Variants in CCDC30 observed in about 807,000 individuals in gnomAD.
The protein encoded by CCDC30 is coiled-coil domain containing 30.
A neutral mutation model predicts 100.2 loss-of-function variants in CCDC30; 70 were observed. That is an observed-to-expected ratio of 0.70 (90% CI 0.58 to 0.85). The LOEUF is 0.85. CCDC30 is among the 40% of genes least tolerant of loss of function. CCDC30 has a pLI of 0.00. For synonymous variants in CCDC30, 233 were observed against 269.5 expected (o/e 0.86, Z 1.33); for missense variants, 652 against 771.2 (o/e 0.85, Z 1.83).
At chr1:42,570,633 CTTTAT>C (rs1435308040) in intron 7 of CCDC30, among the ~76,000 whole-genome samples, 2 of 152,138 alleles carry the variant, frequency 1.3e-5, no homozygotes, top group African/African-American at 4.8e-5. Flanking sequence ...TCTTGCTTTA[CTTTAT>C]AGTTTTATCA....
At position 42,473,133 on chromosome 1, in the gene CCDC30, G is replaced by T. The variant is rs1385481632; in HGVS notation, c.-91-7328G>T. 3.3e-6 allele frequency: 4 copies of T among 1,228,466 alleles called. No homozygotes were observed. In the East Asian group the frequency reaches 1.3e-4, roughly 39 times the overall value. 76.1% of individuals were successfully genotyped at this position (1,228,466 alleles called of 1,614,324 possible). On this transcript the variant is annotated intron_variant, in intron 1 of 16. Transcript: ENST00000668663. ...TTTCTTCTATCAAGGGAAAAGTTCA[G>T]TTAGAAGACATACTTCACCATCTTG...
chr1:42,519,113 T>A (rs1019364511), intron 6 of CCDC30, among the ~76,000 whole-genome samples: 28 of 152,364 alleles, frequency 1.8e-4, no homozygotes, highest in African/African-American at 6.5e-4. Flanking sequence ...GAACCATCCT[T>A]GCATTCCAGG....
At chr1:42,616,841 G>A (rs997201853) in intron 11 of CCDC30, among the ~76,000 whole-genome samples, 9 of 152,150 alleles carry the variant, frequency 5.9e-5, no homozygotes, top group Non-Finnish European at 8.8e-5. Context: ...TTTCCAAACC[G>A]TGTGTAACAT....
chr1:42,469,897 G>A (rs1268261540), intron 1 of CCDC30, among the ~76,000 whole-genome samples: 1 of 152,196 alleles, frequency 6.6e-6, no homozygotes, highest in African/African-American at 2.4e-5. Context: ...AATAGTAACA[G>A]AAACTAGCAA....
chr1:42,511,721 G>C (rs1644480518), intron 6 of CCDC30, among the ~76,000 whole-genome samples: 1 of 152,038 alleles, frequency 6.6e-6, no homozygotes, highest in Admixed American at 6.6e-5. Flanking sequence ...ATTGGGAGGA[G>C]AATTTGGCAA....
At chr1:42,539,420 T>G in intron 6 of CCDC30, 110 bp downstream of exon 8, 2 of 984,980 alleles carry the variant, frequency 2.0e-6, no homozygotes, top group Non-Finnish European at 2.9e-6. Context: ...TTGGAGTTTC[T>G]TCTATTATTA....
At chr1:42,620,217 C>G (rs544600138) in intron 11 of CCDC30, among the ~76,000 whole-genome samples, 18 of 152,178 alleles carry the variant, frequency 1.2e-4, no homozygotes, top group African/African-American at 4.3e-4. Flanking sequence ...AAGAAGGAAA[C>G]AACAGATGCT....
chr1:42,576,991 T>C (rs775980927), intron 7 of CCDC30, 29 bp from the exon 12 acceptor site: 1 of 1,508,348 alleles, frequency 6.6e-7, no homozygotes, highest in African/African-American at 1.4e-5. Flanking sequence ...CACTTATTTG[T>C]ATTACTCTTA....
chr1:42,576,636 A>G (rs1645843031), intron 7 of CCDC30, among the ~76,000 whole-genome samples: 1 of 152,222 alleles, frequency 6.6e-6, no homozygotes, highest in South Asian at 2.1e-4. Flanking sequence ...GCTAAGTGAA[A>G]ACCAGCAAAG....
chr1:42,612,340 G>C (rs1038775989), intron 11 of CCDC30, among the ~76,000 whole-genome samples: 1 of 152,148 alleles, frequency 6.6e-6, no homozygotes, highest in Non-Finnish European at 1.5e-5. Context: ...AACAGCATTA[G>C]AGGAAGAATA....
chr1:42,555,192 T>G (rs1645343539), intron 6 of CCDC30, among the ~76,000 whole-genome samples: 2 of 152,356 alleles, frequency 1.3e-5, no homozygotes, highest in African/African-American at 4.8e-5. Context: ...GGCATCCAAA[T>G]AATATTTCTA....
chr1:42,617,969 G>A (rs1646756809), intron 11 of CCDC30, among the ~76,000 whole-genome samples: 1 of 152,220 alleles, frequency 6.6e-6, no homozygotes. Context: ...AGTTAGTTGG[G>A]CCTACACCTA....
In CCDC30 at chr1:42,566,334, A is replaced by AG. The variant is rs751027201; in HGVS notation, c.499dup (p.Glu167GlyfsTer20). On this transcript the variant is annotated frameshift_variant, in exon 7 of 17. Transcript: ENST00000668663. LOFTEE classifies it high-confidence loss of function. ...GAGAAAAACTAAAATACAACCAGCA[A>AG]GGGGAAGTACAACAACTTCACCAGA... The AG allele has an allele frequency of 2.5e-6, 4 of 1,613,884 alleles. No individual in the cohort carries two copies. The highest frequency in any genetic ancestry group is 1.7e-6 in the Non-Finnish European group (2 of 1,179,852).
chr1:42,542,839 C>A (rs1185873976), intron 6 of CCDC30: 1 of 152,216 alleles, frequency 6.6e-6, no homozygotes, highest in Non-Finnish European at 1.5e-5. Flanking sequence ...AGGCGTGAGC[C>A]ACCGCGCCCG....
At chr1:42,574,663 T>C (rs1291058146) in intron 7 of CCDC30, among the ~76,000 whole-genome samples, 1 of 152,170 alleles carries the variant, frequency 6.6e-6, no homozygotes, top group African/African-American at 2.4e-5. Context: ...AAATATAGTA[T>C]AGAGTACTGG....
chr1:42,643,160 C>A (rs1057322206), intron 13 of CCDC30, among the ~76,000 whole-genome samples: 1 of 152,200 alleles, frequency 6.6e-6, no homozygotes, highest in Non-Finnish European at 1.5e-5. Flanking sequence ...TAAGATTTGT[C>A]TGAGCAATTA....
intron 6 of CCDC30, 56 bp from the exon 9 acceptor site, chr1:42,545,354 C>A: frequency 7.3e-7 from 1 of 1,363,056 alleles, no homozygotes; most frequent in South Asian, 1.5e-5. Flanking sequence ...CTTTTTTTCA[C>A]AGCTATAAAT....
the CCDC30 span, chr1:42,456,844 C>T: frequency 1.9e-6 from 3 of 1,613,526 alleles, no homozygotes; most frequent in South Asian, 3.3e-5. Flanking sequence ...TCCCCTATGC[C>T]CACCGCTTCC....
intron 10 of CCDC30, among the ~76,000 whole-genome samples, chr1:42,610,297 T>C (rs1275602885): frequency 1.3e-5 from 2 of 152,254 alleles, no homozygotes; most frequent in Admixed American, 1.3e-4. Context: ...CAATCCCAAA[T>C]TCCTAATTTT....
Sources: gnomAD v4.1 joint callset for allele counts (sites outside exome capture counted in the v4.1 genomes callset) on GRCh38, gnomAD v4.1.1 for gene constraint, MANE v1.5 for transcripts, NCBI Gene and HGNC (gene_info 2026-07-23, HGNC 2026-07-21) for gene names.